The following DNAH6 variants were observed in gnomAD, a reference collection of about 807,000 sequenced individuals.
DNAH6 encodes axonemal beta dynein heavy chain 6.
A neutral mutation model predicts 491.4 loss-of-function variants in DNAH6; 340 were observed. The observed-to-expected ratio is 0.69, with a 90% CI of 0.63 to 0.76. The LOEUF is 0.76. Ranked by LOEUF, DNAH6 falls within the 30% of genes least tolerant of loss-of-function variation. The pLI is 0.00. For synonymous variants in DNAH6, 1,603 were observed against 1,686.1 expected (o/e 0.95, Z 1.21); for missense variants, 4,443 against 4,972.2 (o/e 0.89, Z 3.20).
chr2:84,595,702 T>C lies in DNAH6; in HGVS notation c.2781T>C (p.Ala927=). 1 of 1,551,460 alleles carries C rather than the reference T, an allele frequency of 6.4e-7. No individual in the cohort carries two copies. Among genetic ancestry groups the C allele is most frequent in the Non-Finnish European group, 8.7e-7 (1 of 1,146,840 alleles). Residue 927 remains alanine, a synonymous_variant, in exon 18 of 77, where the codon GCT becomes GCC. Coordinates refer to ENST00000389394, the MANE Select transcript of DNAH6 (RefSeq NM_001370.2). ...EVLNGQVSKY[A]KFVTQLEKGL... is the part of the protein sequence containing the mutation. ...TAAACGGTCAAGTTTCTAAATATGC[T>C]AAATTTGTGACTCAACTGGAAAAAG...
intron 11 of DNAH6, among the ~76,000 whole-genome samples, chr2:84,560,755 CA>C (rs1680585171): frequency 6.6e-6 from 1 of 152,082 alleles, no homozygotes; most frequent in South Asian, 2.1e-4. Context: ...TGATGATTTC[CA>C]ATTTCATCCA....
Position 84,670,372 on chromosome 2 carries a change from T to G in DNAH6, c.6351T>G (p.Ala2117=). The change falls in exon 39 of 77, where the codon GCT becomes GCG. Residue 2117 remains alanine, a synonymous_variant. Coordinates refer to ENST00000389394, the MANE Select transcript of DNAH6 (RefSeq NM_001370.2). ...TGCTAAATAAAATTCAAGAATCAGC[T>G]GGCTATGTCCCTGTTTATCTAAATT... ...KGLLNKIQES[A]GYVPVYLNFS... is the part of the protein sequence containing the mutation. 3 of 1,541,640 alleles carry G rather than the reference T, an allele frequency of 1.9e-6. No individual in the cohort carries two copies. The highest frequency in any genetic ancestry group is 2.6e-6 in the Non-Finnish European group (3 of 1,141,172).
chr2:84,607,048 C>G lies in DNAH6; in HGVS notation c.3247C>G (p.Arg1083Gly). The G allele has an allele frequency of 6.4e-7, 1 of 1,551,274 alleles. No individual in the cohort carries two copies. ...SSRYLGPLKTRVDEWQKQLAL... is the reference protein window; with the variant it reads ...SSRYLGPLKTGVDEWQKQLAL... The stretch of plus-strand genomic sequence containing the variant: ...ACGTTACCTTGGTCCACTGAAAACT[C>G]GAGTGGATGAATGGCAAAAACAACT... Residue 1083 changes from arginine to glycine, a missense_variant, in exon 21 of 77, where the codon CGA (arginine) becomes GGA (glycine). Arg to Gly is a moderately radical substitution (Grantham distance 125). Coordinates refer to ENST00000389394, the MANE Select transcript of DNAH6 (RefSeq NM_001370.2).
the DNAH6 span, among the ~76,000 whole-genome samples, chr2:84,485,874 C>T: frequency 1.4e-4 from 22 of 151,768 alleles, no homozygotes; most frequent in Non-Finnish European, 2.9e-4. Flanking sequence ...AAATATTTCA[C>T]GGCACACAAG....
At chr2:84,521,605 G>T (rs1676153127) in intron 2 of DNAH6, among the ~76,000 whole-genome samples, 2 of 151,944 alleles carry the variant, frequency 1.3e-5, no homozygotes, top group Non-Finnish European at 2.9e-5. Context: ...TATAGTTTGG[G>T]GTTTTACATT....
chr2:84,682,259 C>T (rs1427174564), intron 42 of DNAH6, among the ~76,000 whole-genome samples: 3 of 152,248 alleles, frequency 2.0e-5, no homozygotes, highest in Non-Finnish European at 4.4e-5. Flanking sequence ...AATGTCCACG[C>T]AACTTTCCCC....
chr2:84,663,496 A>C (rs1360266237), intron 37 of DNAH6, among the ~76,000 whole-genome samples: 1 of 151,144 alleles, frequency 6.6e-6, no homozygotes, highest in African/African-American at 2.5e-5. Context: ...AAAGGGTATC[A>C]GAGATTGAAG....
chr2:84,669,017 C>G (rs1692459432), intron 37 of DNAH6, among the ~76,000 whole-genome samples: 1 of 152,098 alleles, frequency 6.6e-6, no homozygotes, highest in Non-Finnish European at 1.5e-5. Flanking sequence ...TGGCGTAAGC[C>G]CTGTGAATGT....
At chr2:84,644,742 CCATCCACGTTCCTG>C (rs1689739053) in intron 33 of DNAH6, among the ~76,000 whole-genome samples, 1 of 152,164 alleles carries the variant, frequency 6.6e-6, no homozygotes, top group South Asian at 2.1e-4. Flanking sequence ...GCCTCCAGCT[CCATCCACGTTCCTG>C]CAAAGGATAT....
intron 37 of DNAH6, among the ~76,000 whole-genome samples, chr2:84,668,575 C>A (rs1446659893): frequency 1.3e-5 from 2 of 152,108 alleles, no homozygotes; most frequent in African/African-American, 4.8e-5. Context: ...TCACTGTATG[C>A]AGCGCTCTCA....
At chr2:84,636,347 C>T (rs1456291252) in intron 30 of DNAH6, among the ~76,000 whole-genome samples, 1 of 152,208 alleles carries the variant, frequency 6.6e-6, no homozygotes, top group Non-Finnish European at 1.5e-5. Context: ...TGCCCCTGTT[C>T]CTCCACCTGA....
intron 28 of DNAH6, 121 bp from the exon 29 acceptor site, chr2:84,624,781 G>A (rs1176010366): frequency 4.0e-6 from 5 of 1,239,290 alleles, no homozygotes; most frequent in Non-Finnish European, 3.3e-6. Flanking sequence ...GGATCTTTTG[G>A]TGTATTTCAA....
At chr2:84,639,697 G>A (rs1204780836) in intron 31 of DNAH6, among the ~76,000 whole-genome samples, 6 of 152,084 alleles carry the variant, frequency 3.9e-5, no homozygotes, top group Non-Finnish European at 8.8e-5. Context: ...TGGGATTACA[G>A]GTGTGAGCCA....
the DNAH6 span, among the ~76,000 whole-genome samples, chr2:84,503,882 TC>T: frequency 6.6e-6 from 1 of 152,124 alleles, no homozygotes; most frequent in Admixed American, 6.5e-5. Context: ...GAGATAGTCT[TC>T]TTTGGATTAA....
intron 68 of DNAH6, among the ~76,000 whole-genome samples, chr2:84,788,022 G>C (rs958393063): frequency 6.6e-6 from 1 of 152,032 alleles, no homozygotes; most frequent in Non-Finnish European, 1.5e-5. Flanking sequence ...ACAGCAGAAG[G>C]GTATCAGGTG....
chr2:84,470,551 G>A, the DNAH6 span, among the ~76,000 whole-genome samples: 1 of 152,192 alleles, frequency 6.6e-6, no homozygotes, highest in African/African-American at 2.4e-5. Context: ...GCTGGTGAGA[G>A]TATAGCAGTG....
At chr2:84,558,851 T>G (rs1274354508) in intron 11 of DNAH6, among the ~76,000 whole-genome samples, 1 of 152,198 alleles carries the variant, frequency 6.6e-6, no homozygotes, top group Non-Finnish European at 1.5e-5. Context: ...CTGGGTAACC[T>G]AATCTCCTGT....
intron 30 of DNAH6, among the ~76,000 whole-genome samples, chr2:84,636,842 T>G (rs1340199765): frequency 6.6e-6 from 1 of 151,792 alleles, no homozygotes; most frequent in East Asian, 1.9e-4. Context: ...TGCAGTGAGC[T>G]CTGATCATGC....
chr2:84,611,909 GACTTTA>G (rs1686375538), intron 22 of DNAH6, 55 bp downstream of exon 22: 1 of 1,440,184 alleles, frequency 6.9e-7, no homozygotes, highest in African/African-American at 1.4e-5. Context: ...AGTAGTCTGG[GACTTTA>G]GTCCCAGACT....
Sources: gnomAD v4.1 joint callset for allele counts (sites outside exome capture counted in the v4.1 genomes callset) on GRCh38, gnomAD v4.1.1 for gene constraint, MANE v1.5 for transcripts, NCBI Gene and HGNC (gene_info 2026-07-23, HGNC 2026-07-21) for gene names.